Variants in ARID5B observed in about 807,000 individuals in gnomAD.
ARID5B encodes the protein AT-rich interaction domain 5B.
In ARID5B, 13 loss-of-function variants were observed where a neutral mutation model predicts 97.2. That is an observed-to-expected ratio of 0.13 (90% CI 0.09 to 0.21). The LOEUF is 0.21. Ranked by LOEUF, ARID5B falls within the 10% of genes least tolerant of loss-of-function variation. The pLI is 1.00. For synonymous variants in ARID5B, 556 were observed against 570.3 expected (o/e 0.97, Z 0.36); for missense variants, 1,210 against 1,465.3 (o/e 0.83, Z 2.84).
chr10:62,050,692 A>G (rs1839775632), intron 4 of ARID5B, among the ~76,000 whole-genome samples, 196 bp from the exon 5 acceptor site: 1 of 152,192 alleles, frequency 6.6e-6, no homozygotes, highest in African/African-American at 2.4e-5. Context: ...GCTTTGGGAA[A>G]CGTGTACAGA....
At chr10:61,992,463 T>C (rs900302101) in intron 3 of ARID5B, among the ~76,000 whole-genome samples, 1 of 152,230 alleles carries the variant, frequency 6.6e-6, no homozygotes, top group African/African-American at 2.4e-5. Context: ...AGTAACATTT[T>C]GATACATATT....
chr10:62,049,190 G>C, intron 4 of ARID5B: 9 of 1,286,238 alleles, frequency 7.0e-6, no homozygotes, highest in Non-Finnish European at 8.9e-6. Flanking sequence ...CACCATCTCC[G>C]TGCGGGGAGG....
chr10:61,992,782 G>C (rs1040282710), intron 3 of ARID5B, among the ~76,000 whole-genome samples: 1 of 152,110 alleles, frequency 6.6e-6, no homozygotes, highest in East Asian at 1.9e-4. Context: ...TTTATTGCCA[G>C]TTCTGTATGG....
intron 3 of ARID5B, among the ~76,000 whole-genome samples, chr10:61,956,097 C>G (rs1417765133): frequency 6.6e-6 from 1 of 152,196 alleles, no homozygotes; most frequent in Non-Finnish European, 1.5e-5. Context: ...TGGTTTATAA[C>G]AGGGGTCCCC....
chr10:62,050,933 A>G lies in ARID5B; in HGVS notation c.779A>G (p.Gln260Arg). 1.2e-6 allele frequency: 2 copies of G among 1,614,214 alleles called. No individual in the cohort carries two copies. The highest frequency in any genetic ancestry group is 1.7e-6 in the Non-Finnish European group (2 of 1,180,014). Residue 260 changes from glutamine (Q) to arginine (R), a missense_variant, in exon 5 of 10, where the codon CAA (glutamine) becomes CGA (arginine). Gln to Arg is a conservative substitution (Grantham distance 43). Around this residue, in one of 8 missense-constraint regions of ARID5B, gnomAD observed 132 missense variants for 156.7 expected, o/e 0.84. Coordinates refer to ENST00000279873, the MANE Select transcript of ARID5B (RefSeq NM_032199.3). ...CCACGCAAAAAGAAACCATGCCCAC[A>G]AAGAAGAGATTCATTCAGTGGTGTT... ...GRPRKKKPCPQRRDSFSGVKD... is the reference protein window; with the variant it reads ...GRPRKKKPCPRRRDSFSGVKD...
chr10:61,937,509 G>A (rs1014222386), intron 2 of ARID5B, among the ~76,000 whole-genome samples: 2 of 152,300 alleles, frequency 1.3e-5, no homozygotes, highest in South Asian at 2.1e-4. Flanking sequence ...GACTTAGAAC[G>A]TGGCTCAACA....
chr10:61,952,733 G>A (rs1489166158), intron 3 of ARID5B, among the ~76,000 whole-genome samples: 1 of 152,088 alleles, frequency 6.6e-6, no homozygotes, highest in Non-Finnish European at 1.5e-5. Context: ...ACTATTCTTG[G>A]TCTAATTAGT....
At chr10:62,038,939 T>C (rs898216517) in intron 4 of ARID5B, among the ~76,000 whole-genome samples, 3 of 152,206 alleles carry the variant, frequency 2.0e-5, no homozygotes, top group African/African-American at 7.2e-5. Flanking sequence ...CACCTTCCGA[T>C]TGCCATACAT....
chr10:61,902,459 C>A (rs773688463), intron 2 of ARID5B, 46 bp downstream of exon 2: 1 of 1,602,750 alleles, frequency 6.2e-7, no homozygotes, highest in Non-Finnish European at 8.5e-7. Context: ...TTATTTTTCC[C>A]CCTAGTAATG....
At chr10:62,008,898 T>C (rs1388325126) in intron 4 of ARID5B, among the ~76,000 whole-genome samples, 1 of 152,224 alleles carries the variant, frequency 6.6e-6, no homozygotes, top group African/African-American at 2.4e-5. Context: ...TTAGAATGCA[T>C]TGGCTTTCCC....
intron 2 of ARID5B, among the ~76,000 whole-genome samples, chr10:61,926,053 C>T (rs1169380616): frequency 1.3e-5 from 2 of 152,138 alleles, no homozygotes; most frequent in Non-Finnish European, 2.9e-5. Flanking sequence ...AAAGAGCCTC[C>T]GTGGCAAATC....
In ARID5B at chr10:61,940,341, G is replaced by A. The variant is rs747619728; in HGVS notation, c.435G>A (p.Lys145=). Residue 145 remains lysine (K), a synonymous_variant, in exon 3 of 10, where the codon AAG becomes AAA. Transcript: ENST00000279873. Reference sequence around the variant, plus strand: ...ATGGACAGAAGGAAGCTCTGCTGAAGTACAGGCAGTCAACCCTAAACAGTG... The same window carrying A: ...ATGGACAGAAGGAAGCTCTGCTGAAATACAGGCAGTCAACCCTAAACAGTG... The part of the protein sequence containing the change: ...GRNGQKEALL[K]YRQSTLNSGL... The A allele has an allele frequency of 1.1e-4, 179 of 1,614,180 alleles. 2 individuals carry two copies. In the Middle Eastern group the frequency reaches 1.5e-3, roughly 13 times the overall value.
chr10:61,918,983 G>A (rs1171834525), intron 2 of ARID5B, among the ~76,000 whole-genome samples: 7 of 147,882 alleles, frequency 4.7e-5, no homozygotes, highest in East Asian at 4.0e-4. Flanking sequence ...GCAGTGAGAC[G>A]AGATTGTGCC....
At chr10:62,083,067 T>TCTCACACA (rs893745899) in intron 8 of ARID5B, among the ~76,000 whole-genome samples, 1 of 151,814 alleles carries the variant, frequency 6.6e-6, no homozygotes, top group Non-Finnish European at 1.5e-5. Flanking sequence ...ACACACACTC[T>TCTCACACA]CTCACACACT....
intron 5 of ARID5B, among the ~76,000 whole-genome samples, chr10:62,054,166 G>C (rs1315603357): frequency 6.6e-6 from 1 of 152,126 alleles, no homozygotes; most frequent in Non-Finnish European, 1.5e-5. Flanking sequence ...ATGGTGTTCA[G>C]GTCAGGAAAA....
intron 4 of ARID5B, among the ~76,000 whole-genome samples, chr10:62,034,621 A>C (rs558343302): frequency 6.6e-6 from 1 of 152,244 alleles, no homozygotes; most frequent in African/African-American, 2.4e-5. Flanking sequence ...CCCGCTGAAC[A>C]ATTTCCTACC....
intron 4 of ARID5B, among the ~76,000 whole-genome samples, chr10:62,022,377 T>C (rs1839367429): frequency 6.6e-6 from 1 of 152,156 alleles, no homozygotes; most frequent in South Asian, 2.1e-4. Context: ...AGGGGGAAGG[T>C]CCCTGGAGAA....
rs781300442 is a variant in ARID5B at position 62,090,885 on chromosome 10, A to C, written c.1422A>C (p.Glu474Asp). The C allele has an allele frequency of 1.3e-6, 2 of 1,589,088 alleles. No homozygotes were observed. Among genetic ancestry groups the C allele is most frequent in the South Asian group, 2.3e-5 (2 of 86,534 alleles). Residue 474 changes from glutamate (E) to aspartate (D), a missense_variant, in exon 10 of 10, where the codon GAA becomes GAC. Physicochemically the swap from Glu to Asp is conservative, Grantham distance 45. Coordinates refer to ENST00000279873, the MANE Select transcript of ARID5B (RefSeq NM_032199.3). ...AGGTTTCATCAGAGCAAGAAAAAGA[A>C]CAAGAGACTTTAATAAGCCAGAAAA... ...AAEVSSEQEK[E>D]QETLISQKSI...
At chr10:61,925,277 T>C (rs1844084030) in intron 2 of ARID5B, among the ~76,000 whole-genome samples, 1 of 151,888 alleles carries the variant, frequency 6.6e-6, no homozygotes, top group African/African-American at 2.4e-5. Context: ...TGGGTGGTGG[T>C]TGGGTTTGGG....
Sources: allele counts gnomAD v4.1 joint callset (sites outside exome capture counted in the v4.1 genomes callset), GRCh38; gene constraint gnomAD v4.1.1; regional missense constraint gnomAD v4.1.1; transcripts MANE v1.5; gene names NCBI Gene and HGNC (gene_info 2026-07-23, HGNC 2026-07-21).